The following TTC13 variants were observed in gnomAD, a reference collection of about 807,000 sequenced individuals.
The protein encoded by TTC13 is tetratricopeptide repeat protein 13.
A neutral mutation model predicts 120.0 loss-of-function variants in TTC13; 62 were observed. The ratio of observed to expected loss-of-function variants is 0.52; its 90% CI spans 0.42 to 0.64. The LOEUF is 0.64. TTC13 is among the 30% of genes least tolerant of loss of function. The pLI, the probability that TTC13 is intolerant of heterozygous loss-of-function variation, is 0.00. For synonymous variants in TTC13, 384 were observed against 393.5 expected, an observed-to-expected ratio of 0.98 and a Z score of 0.28; for missense variants, 824 against 1,050.2, an observed-to-expected ratio of 0.78 and a Z score of 2.98.
intron 8 of TTC13, among the ~76,000 whole-genome samples, chr1:230,937,406 AT>A (rs773960443): frequency 2.0e-5 from 3 of 152,224 alleles, no homozygotes; most frequent in Non-Finnish European, 4.4e-5. Context: ...AAGGGATATA[AT>A]TTGAGTAGAG....
At chr1:230,924,595 G>A (rs1223196599) in intron 14 of TTC13, among the ~76,000 whole-genome samples, 1 of 152,224 alleles carries the variant, frequency 6.6e-6, no homozygotes. Context: ...GCCTCCCAAA[G>A]TGCTGGGATT....
In TTC13 at chr1:230,958,251, C is replaced by T; in HGVS notation, c.415G>A (p.Asp139Asn). The T allele has an allele frequency of 1.2e-6, 2 of 1,611,146 alleles. No individual in the cohort carries two copies. ...AACTCTTCATTTGTGCTGTCATTATCAGTGGCAAACGGGAATCTCTTCTGT... is the reference window on the plus strand; with the variant it reads ...AACTCTTCATTTGTGCTGTCATTATTAGTGGCAAACGGGAATCTCTTCTGT... ...AEQKRFPFATDNDSTNEELAI... is the reference protein window; with the variant it reads ...AEQKRFPFATNNDSTNEELAI... Residue 139 changes from aspartate (D) to asparagine (N), a missense_variant, in exon 3 of 23, where the codon GAT (aspartate) becomes AAT (asparagine). Physicochemically the swap from Asp to Asn is conservative, Grantham distance 23. This residue lies in a region of TTC13 where 430 missense variants were observed against 626.8 expected (regional missense o/e 0.69). Transcript: ENST00000366661.
intron 22 of TTC13, 149 bp downstream of exon 22, chr1:230,908,562 TG>T: frequency 3.0e-6 from 2 of 671,618 alleles, no homozygotes; most frequent in Non-Finnish European, 5.1e-6. Flanking sequence ...ATTTTAACCT[TG>T]AAAAAGTGAA....
intron 17 of TTC13, among the ~76,000 whole-genome samples, chr1:230,919,054 G>A (rs1672315769): frequency 2.0e-5 from 3 of 152,090 alleles, no homozygotes; most frequent in African/African-American, 7.2e-5. Context: ...AATAATTTCT[G>A]TCCCTTTTAG....
Position 230,924,859 on chromosome 1 carries a change from A to G in TTC13, c.1703T>C (p.Ile568Thr), listed in dbSNP as rs367863463. Residue 568 changes from isoleucine to threonine, a missense_variant, in exon 14 of 23, where the codon ATT becomes ACT. Transcript: ENST00000366661. ...RLMQWRDMFD[I>T]AVKWRRIADP... ...TAGTTACCTTCTCCATTTAACTGCA[A>G]TGTCAAACATGTCTCTCCACTGCAT... The G allele has an allele frequency of 1.0e-4, 161 of 1,614,084 alleles. 1 individual carries two copies. The highest frequency in any genetic ancestry group is 1.7e-4 in the African/African-American group (13 of 74,920).
At position 230,940,361 on chromosome 1, in the gene TTC13, C is replaced by T. The variant is rs1558194915; in HGVS notation, c.789+79G>A. The T allele has an allele frequency of 2.2e-6, 2 of 917,998 alleles. No homozygotes were observed. The highest frequency in any genetic ancestry group is 3.5e-6 in the Non-Finnish European group (2 of 576,152). The allele number at this position is 917,998 out of a possible 1,614,324, so 56.9% of individuals were successfully genotyped here. The stretch of plus-strand genomic sequence containing the variant: ...CTAAACAGTCAAAGCCCAAATCTAT[C>T]AAAGAGTCACTTTCTGAGGTCAAGG... On this transcript the variant is annotated intron_variant, in intron 7 of 22. Transcript: ENST00000366661. This position sits in a 1 kb window ranked among gnomAD's most constrained non-coding sequence, Gnocchi z 4.1.
At chr1:230,936,489 A>G (rs529253362) in intron 8 of TTC13, 4 of 298,096 alleles carry the variant, frequency 1.3e-5, no homozygotes, top group Non-Finnish European at 2.6e-5. Context: ...AAAACTCTCA[A>G]AGTGAAGACT....
intron 9 of TTC13, among the ~76,000 whole-genome samples, chr1:230,932,446 C>T (rs1673644497): frequency 6.6e-6 from 1 of 152,078 alleles, no homozygotes; most frequent in Admixed American, 6.5e-5. Flanking sequence ...TTTTTATTTG[C>T]TTTTCAAATA....
intron 1 of TTC13, among the ~76,000 whole-genome samples, chr1:230,966,623 T>G (rs750860128): frequency 6.6e-6 from 1 of 152,162 alleles, no homozygotes; most frequent in African/African-American, 2.4e-5. Flanking sequence ...TAGTTCCCTG[T>G]GGGAAAACTG....
At chr1:230,967,490 A>G (rs1480581721) in intron 1 of TTC13, among the ~76,000 whole-genome samples, 2 of 151,974 alleles carry the variant, frequency 1.3e-5, no homozygotes, top group Non-Finnish European at 2.9e-5. Context: ...TGTTTCTATG[A>G]TTTTTCTCCT....
chr1:230,925,740 A>G, intron 12 of TTC13, 93 bp from the exon 13 acceptor site: 1 of 1,422,518 alleles, frequency 7.0e-7, no homozygotes, highest in South Asian at 1.2e-5. Flanking sequence ...CTCCACGGGA[A>G]AACTAATGAA....
chr1:230,912,512 C>T lies in TTC13; in HGVS notation c.2229+111G>A, dbSNP rs578081521. On this transcript the variant is annotated intron_variant, in intron 19 of 22. Transcript: ENST00000366661. ...AATAAGAAATATTTTTAGGTCAATTCAACCCAATTTCAAGCATAAGATGTA... is the reference window on the plus strand; with the variant it reads ...AATAAGAAATATTTTTAGGTCAATTTAACCCAATTTCAAGCATAAGATGTA... The T allele has an allele frequency of 7.7e-5, 98 of 1,275,800 alleles. 1 individual carries two copies. In the East Asian group the frequency reaches 2.1e-3, roughly 28 times the overall value. The allele number at this position is 1,275,800 out of a possible 1,614,324, so 79.0% of individuals were successfully genotyped here. A position where few individuals can be genotyped will look rare whatever the true frequency, so the allele number is the denominator to read the frequency against.
At chr1:230,937,557 C>T (rs1271704115) in intron 8 of TTC13, among the ~76,000 whole-genome samples, 6 of 152,176 alleles carry the variant, frequency 3.9e-5, no homozygotes, top group Admixed American at 1.3e-4. Context: ...TCAAAGCCTG[C>T]GGCTGCCAGT....
In TTC13 at chr1:230,911,495, A is replaced by G; in HGVS notation, c.2284T>C (p.Leu762=). The G allele has an allele frequency of 1.8e-5, 29 of 1,603,922 alleles. No individual in the cohort carries two copies. Among genetic ancestry groups the G allele is most frequent in the Non-Finnish European group, 2.5e-5 (29 of 1,175,936 alleles). Residue 762 remains leucine (L), a synonymous_variant, in exon 20 of 23, where the codon TTA becomes CTA. Transcript: ENST00000366661. Reference sequence around the variant, plus strand: ...CTGGATCCTCGAGAGAGTGGCATTAAATTATAAAAGTAATAAACTAAGGAT... The same window carrying G: ...CTGGATCCTCGAGAGAGTGGCATTAGATTATAAAAGTAATAAACTAAGGAT... ...ILSLVYYFYN[L]MPLSRGSSVI... is the part of the protein sequence containing the mutation.
chr1:230,913,374 A>G (rs1198578128), intron 18 of TTC13, among the ~76,000 whole-genome samples: 3 of 152,210 alleles, frequency 2.0e-5, no homozygotes, highest in African/African-American at 4.8e-5. Context: ...AATTATTATT[A>G]TAAGAAATGG....
At chr1:230,971,854 T>A (rs368094047) in intron 1 of TTC13, among the ~76,000 whole-genome samples, 2 of 152,296 alleles carry the variant, frequency 1.3e-5, no homozygotes, top group East Asian at 1.9e-4. Context: ...TTACTTAGCA[T>A]AAGGTTATAA....
intron 4 of TTC13, among the ~76,000 whole-genome samples, chr1:230,949,718 T>A (rs919909473): frequency 1.3e-5 from 2 of 152,218 alleles, no homozygotes; most frequent in Admixed American, 1.3e-4. Flanking sequence ...CGATCTTGGC[T>A]CACTGCAAGT....
intron 8 of TTC13, among the ~76,000 whole-genome samples, chr1:230,938,253 C>T (rs569885431): frequency 1.3e-5 from 2 of 152,314 alleles, no homozygotes; most frequent in South Asian, 2.1e-4. Flanking sequence ...GCCTCTGTTT[C>T]GTTCTCAGGC....
intron 20 of TTC13, 85 bp downstream of exon 20, chr1:230,911,385 G>C: frequency 1.0e-6 from 1 of 985,140 alleles, no homozygotes; most frequent in Non-Finnish European, 1.5e-6. Flanking sequence ...TGTGTACTCT[G>C]TACCTATATC....
Sources: allele counts gnomAD v4.1 joint callset (sites outside exome capture counted in the v4.1 genomes callset), GRCh38; gene constraint gnomAD v4.1.1; regional missense constraint gnomAD v4.1.1; non-coding constraint Gnocchi (gnomAD v3.1); transcripts MANE v1.5; gene names NCBI Gene and HGNC (gene_info 2026-07-23, HGNC 2026-07-21).